The following ZNF804B variants were observed in gnomAD, a reference collection of about 807,000 sequenced individuals.
ZNF804B encodes the protein zinc finger protein 804B.
ZNF804B carries 80 observed loss-of-function variants against 101.4 expected under a neutral mutation model. That is an observed-to-expected ratio of 0.79 (90% CI 0.66 to 0.95). ZNF804B has a LOEUF of 0.95. Among genes scored for constraint, ZNF804B ranks in the 40% least tolerant of loss-of-function variants. ZNF804B has a pLI of 0.00. For missense variants in ZNF804B, 1,673 were observed against 1,561.9 expected (o/e 1.07, Z -1.20); for synonymous variants, 622 against 558.8 (o/e 1.11, Z -1.59).
intron 1 of ZNF804B, among the ~76,000 whole-genome samples, chr7:89,211,611 A>G (rs12666301): frequency 0.71 from 108,146 of 151,920 alleles, 39,137 homozygotes; most frequent in African/African-American, 0.77. Context: ...GTCCTTTCCC[A>G]ATTACTTGTT....
chr7:89,240,862 G>A (rs1344603236), intron 2 of ZNF804B, among the ~76,000 whole-genome samples: 1 of 152,006 alleles, frequency 6.6e-6, no homozygotes, highest in East Asian at 1.9e-4. Flanking sequence ...TTATTCCAAA[G>A]TATGCTTGGT....
intron 1 of ZNF804B, among the ~76,000 whole-genome samples, chr7:89,018,179 A>T (rs1487512956): frequency 6.6e-6 from 1 of 152,056 alleles, no homozygotes; most frequent in Admixed American, 6.6e-5. Flanking sequence ...TATTGTTTTG[A>T]GGTATGTTCC....
rs1336296433 is a variant in ZNF804B, at chr7:89,134,505, A to G, written c.109-83650A>G. Among the ~76,000 whole-genome samples the G allele has an allele frequency of 3.9e-5, 6 of 152,064 alleles. No homozygotes were observed. The East Asian group carries it at 1.2e-3, about 29-fold the overall frequency. On this transcript the variant is annotated intron_variant, in intron 1 of 3. Transcript: ENST00000333190. ...TTAGAGTTTCTAAGGAAATTGTAAC[A>G]GAGCCTACTAACTCTTTCAGGCATG...
At chr7:88,766,867 C>T (rs1789992210) in intron 1 of ZNF804B, among the ~76,000 whole-genome samples, 1 of 152,136 alleles carries the variant, frequency 6.6e-6, no homozygotes, top group Non-Finnish European at 1.5e-5. Flanking sequence ...TCAGTTTGTT[C>T]ATTTCTAGCA....
At chr7:88,994,654 A>G (rs1490321097) in intron 1 of ZNF804B, among the ~76,000 whole-genome samples, 1 of 152,064 alleles carries the variant, frequency 6.6e-6, no homozygotes, top group East Asian at 1.9e-4. Context: ...TATCTTTAAT[A>G]CCATCTTTTC....
chr7:88,924,435 C>A (rs1187893863), intron 1 of ZNF804B, among the ~76,000 whole-genome samples: 1 of 152,026 alleles, frequency 6.6e-6, no homozygotes, highest in Non-Finnish European at 1.5e-5. Context: ...TATAGATGTT[C>A]TTTTATGAGA....
intron 1 of ZNF804B, among the ~76,000 whole-genome samples, chr7:89,202,150 C>T (rs1788650591): frequency 6.6e-6 from 1 of 152,086 alleles, no homozygotes; most frequent in African/African-American, 2.4e-5. Context: ...AATCCCTACC[C>T]TAAACCAGGC....
intron 1 of ZNF804B, among the ~76,000 whole-genome samples, chr7:88,792,438 A>G (rs2115685766): frequency 6.6e-6 from 1 of 152,298 alleles, no homozygotes; most frequent in South Asian, 2.1e-4. Context: ...AAGGAATTCT[A>G]TCTGATCCAA....
At chr7:88,808,707 G>T (rs1790729359) in intron 1 of ZNF804B, among the ~76,000 whole-genome samples, 2 of 152,128 alleles carry the variant, frequency 1.3e-5, no homozygotes, top group Admixed American at 1.3e-4. Flanking sequence ...CATCTAAAAA[G>T]AATTCAGAAA....
intron 1 of ZNF804B, among the ~76,000 whole-genome samples, chr7:89,177,629 A>C (rs1791340976): frequency 6.6e-6 from 1 of 152,224 alleles, no homozygotes; most frequent in African/African-American, 2.4e-5. Flanking sequence ...CCATTTGGTC[A>C]ATACTGCAGA....
At chr7:89,083,818 T>G (rs916439544) in intron 1 of ZNF804B, among the ~76,000 whole-genome samples, 1 of 151,940 alleles carries the variant, frequency 6.6e-6, no homozygotes, top group Non-Finnish European at 1.5e-5. Flanking sequence ...GTCTTTGTGT[T>G]GCATCCTAAA....
At position 89,336,517 on chromosome 7, in the gene ZNF804B, C is replaced by T. The variant is rs780067516; in HGVS notation, c.3535C>T (p.Arg1179Ter). 4 of 1,614,086 alleles carry T rather than the reference C, an allele frequency of 2.5e-6. No homozygotes were observed. The highest frequency in any genetic ancestry group is 1.1e-5 in the South Asian group (1 of 91,082). ...GAAGCAACTCCTATCAAAGCATCTT[C>T]GAGTTTTGCCTGCTGCAGGGCCTAC... ...MQKQLLSKHL[R>*]VLPAAGPTAF... Residue 1179 changes from arginine to a stop codon, truncating the protein, a stop_gained, in exon 4 of 4, where the codon CGA becomes TGA. Transcript: ENST00000333190. LOFTEE classifies it high-confidence loss of function.
intron 1 of ZNF804B, among the ~76,000 whole-genome samples, chr7:89,136,765 G>GCA (rs1554368490): frequency 0.021 from 2,104 of 99,120 alleles, 55 homozygotes; most frequent in African/African-American, 0.07. Flanking sequence ...GTGTGTGTGT[G>GCA]CGCGCACGTG....
intron 1 of ZNF804B, among the ~76,000 whole-genome samples, chr7:89,005,515 T>TA (rs1788360054): frequency 6.6e-6 from 1 of 152,230 alleles, no homozygotes; most frequent in South Asian, 2.1e-4. Flanking sequence ...TCTGGTAACA[T>TA]AAATTACTTG....
intron 1 of ZNF804B, among the ~76,000 whole-genome samples, chr7:89,168,126 A>G (rs12669793): frequency 0.2 from 31,135 of 151,968 alleles, 3,409 homozygotes; most frequent in Middle Eastern, 0.39. Context: ...TAACTATCCC[A>G]GTACTCTTTC....
chr7:88,903,454 CTTTGGGTATATACCCAGTACTGGGA>C (rs1468858975), intron 1 of ZNF804B, among the ~76,000 whole-genome samples: 1 of 152,006 alleles, frequency 6.6e-6, no homozygotes, highest in Non-Finnish European at 1.5e-5. Flanking sequence ...ATTTATTTTC[CTTTGGGTATATACCCAGTACTGGGA>C]TTGCTGTGTT....
chr7:88,987,681 G>A (rs184694525), intron 1 of ZNF804B, among the ~76,000 whole-genome samples: 4 of 152,030 alleles, frequency 2.6e-5, no homozygotes, highest in Admixed American at 2.0e-4. Flanking sequence ...TTTGATACAA[G>A]CATACAATGT....
chr7:88,881,657 G>A (rs1163367776), intron 1 of ZNF804B, among the ~76,000 whole-genome samples: 1 of 152,078 alleles, frequency 6.6e-6, no homozygotes, highest in Non-Finnish European at 1.5e-5. Flanking sequence ...TCCAATTGTA[G>A]GGTGCTTCAT....
At chr7:89,217,026 G>C (rs1027598215) in intron 1 of ZNF804B, among the ~76,000 whole-genome samples, 3 of 152,152 alleles carry the variant, frequency 2.0e-5, no homozygotes, top group Admixed American at 1.3e-4. Flanking sequence ...TTTGCGTAGT[G>C]CATATTAAGT....
Sources: allele counts gnomAD v4.1 joint callset (sites outside exome capture counted in the v4.1 genomes callset), GRCh38; gene constraint gnomAD v4.1.1; transcripts MANE v1.5; gene names NCBI Gene and HGNC (gene_info 2026-07-23, HGNC 2026-07-21).